Variants in PLEKHA7 observed in about 807,000 individuals in gnomAD.
PLEKHA7 encodes the protein pleckstrin homology domain containing A7.
In PLEKHA7, 104 loss-of-function variants were observed where a neutral mutation model predicts 170.0. That is an observed-to-expected ratio of 0.61 (90% CI 0.52 to 0.72). PLEKHA7 has a LOEUF of 0.72. PLEKHA7 is among the 30% of genes least tolerant of loss of function. The pLI is 0.00. For missense variants in PLEKHA7, 1,615 were observed against 1,671.7 expected (o/e 0.97, Z 0.59); for synonymous variants, 648 against 660.8 (o/e 0.98, Z 0.30).
At chr11:16,823,924 T>G (rs1850435793) in intron 10 of PLEKHA7, among the ~76,000 whole-genome samples, 1 of 152,178 alleles carries the variant, frequency 6.6e-6, no homozygotes, top group Non-Finnish European at 1.5e-5. Flanking sequence ...GTGTTCAGCC[T>G]TAAAAAAGAA....
At chr11:16,811,533 C>T (rs540861199) in intron 13 of PLEKHA7, among the ~76,000 whole-genome samples, 1 of 152,250 alleles carries the variant, frequency 6.6e-6, no homozygotes, top group Admixed American at 6.5e-5. Flanking sequence ...ATGGTGGGAA[C>T]AACCCTGTCT....
chr11:16,945,900 TC>T (rs1860998043), intron 3 of PLEKHA7, among the ~76,000 whole-genome samples: 1 of 152,230 alleles, frequency 6.6e-6, no homozygotes, highest in Non-Finnish European at 1.5e-5. Flanking sequence ...CTCTCTGGCC[TC>T]AAAGGACACT....
chr11:16,860,264 G>A (rs1474551280), intron 4 of PLEKHA7, among the ~76,000 whole-genome samples: 2 of 152,126 alleles, frequency 1.3e-5, no homozygotes, highest in East Asian at 3.9e-4. Flanking sequence ...CTGCATATTT[G>A]GCACTAAATG....
At position 16,816,273 on chromosome 11, in the gene PLEKHA7, G is replaced by T. The variant is rs200072888; in HGVS notation, c.1867-9C>A. Reference sequence around the variant, plus strand: ...TCCACATGAGATGAGTTCTGCAAGTGGGGAGACAAGAAGTCACACTGGAGC... The same window carrying T: ...TCCACATGAGATGAGTTCTGCAAGTTGGGAGACAAGAAGTCACACTGGAGC... On this transcript the variant is annotated splice_polypyrimidine_tract_variant and intron_variant, in intron 11 of 26. Coordinates refer to ENST00000531066, the MANE Select transcript of PLEKHA7 (RefSeq NM_001329630.2). 301 of 1,606,912 alleles carry T rather than the reference G, an allele frequency of 1.9e-4. 1 individual carries two copies. Among genetic ancestry groups the T allele is most frequent in the African/African-American group, 2.7e-5 (2 of 74,818 alleles).
At chr11:16,859,119 G>A (rs958603484) in intron 4 of PLEKHA7, among the ~76,000 whole-genome samples, 1 of 152,186 alleles carries the variant, frequency 6.6e-6, no homozygotes, top group Non-Finnish European at 1.5e-5. Flanking sequence ...AAACAGGGAG[G>A]ATGTCTTCAC....
intron 3 of PLEKHA7, among the ~76,000 whole-genome samples, chr11:16,878,244 A>T (rs1855454120): frequency 6.6e-6 from 1 of 152,054 alleles, no homozygotes; most frequent in Admixed American, 6.6e-5. Context: ...TCTCTTAACT[A>T]GATACTGCAA....
chr11:16,826,431 C>T lies in PLEKHA7; in HGVS notation c.1032G>A (p.Gln344=), dbSNP rs1246437604. ...CCAGTGGGTCCCTCTGGGAACGGTA[C>T]TGCTCTCCCTCCTGCTCCTGCCTCT... ...NFERQEQEGE[Q]YRSQRDPLEG... is the part of the protein sequence containing the mutation. Residue 344 remains glutamine (Q), a synonymous_variant, in exon 10 of 27, where the codon CAG becomes CAA. Transcript: ENST00000531066. The T allele has an allele frequency of 6.2e-7, 1 of 1,614,262 alleles. No individual in the cohort carries two copies. The highest frequency in any genetic ancestry group is 2.2e-5 in the East Asian group (1 of 44,890).
intron 4 of PLEKHA7, among the ~76,000 whole-genome samples, chr11:16,865,271 A>C (rs1012319851): frequency 3.9e-5 from 6 of 152,224 alleles, no homozygotes; most frequent in African/African-American, 1.4e-4. Context: ...ATACAGCCTG[A>C]GCTTGTATTA....
At chr11:16,893,499 C>G (rs1461961416) in intron 3 of PLEKHA7, among the ~76,000 whole-genome samples, 2 of 152,180 alleles carry the variant, frequency 1.3e-5, no homozygotes, top group Non-Finnish European at 2.9e-5. Flanking sequence ...GATTCCTTTT[C>G]TCTCAGTGTC....
intron 3 of PLEKHA7, among the ~76,000 whole-genome samples, chr11:16,913,896 T>G (rs979297277): frequency 6.6e-6 from 1 of 152,240 alleles, no homozygotes; most frequent in Non-Finnish European, 1.5e-5. Flanking sequence ...TTAAATGTGC[T>G]TATTCTTTGA....
At chr11:16,825,746 T>C (rs1362160506) in intron 10 of PLEKHA7, among the ~76,000 whole-genome samples, 1 of 152,172 alleles carries the variant, frequency 6.6e-6, no homozygotes, top group Non-Finnish European at 1.5e-5. Flanking sequence ...TTTTTGGATG[T>C]AGAGAAGTAG....
chr11:16,923,490 C>A lies in PLEKHA7; in HGVS notation c.222-52308G>T, dbSNP rs139770522. Among the ~76,000 whole-genome samples the A allele has an allele frequency of 4.0e-3, 611 of 152,264 alleles. 16 individuals carry two copies. The highest frequency in any genetic ancestry group is 0.028 in the Admixed American group (428 of 15,282). On this transcript the variant is annotated intron_variant, in intron 3 of 26. Transcript: ENST00000531066. ...AGTCAACAGCCTCTTTAAAGTCAAG[C>A]CTTCCTTCACTCATTTTCTCCCTGG...
At chr11:16,900,376 G>A (rs1857255067) in intron 3 of PLEKHA7, among the ~76,000 whole-genome samples, 1 of 152,154 alleles carries the variant, frequency 6.6e-6, no homozygotes. Context: ...GAAGACACTA[G>A]AGTGAATTTT....
intron 4 of PLEKHA7, among the ~76,000 whole-genome samples, chr11:16,867,176 T>C (rs1293299562): frequency 6.6e-6 from 1 of 152,178 alleles, no homozygotes; most frequent in Non-Finnish European, 1.5e-5. Flanking sequence ...CCTAAATCAG[T>C]AGTTCTTAAA....
chr11:16,848,834 T>C (rs1050582933), intron 8 of PLEKHA7, among the ~76,000 whole-genome samples: 2 of 152,164 alleles, frequency 1.3e-5, no homozygotes, highest in African/African-American at 4.8e-5. Context: ...CTAGCACCAG[T>C]CTGAGAACTT....
intron 13 of PLEKHA7, chr11:16,807,166 C>T (rs1849047440): frequency 7.1e-6 from 7 of 985,378 alleles, no homozygotes; most frequent in African/African-American, 3.5e-5. Context: ...CCGACAGCCC[C>T]GTGCTGACTT....
intron 3 of PLEKHA7, among the ~76,000 whole-genome samples, chr11:16,890,208 A>G (rs1304591545): frequency 1.3e-5 from 2 of 152,260 alleles, no homozygotes; most frequent in Non-Finnish European, 2.9e-5. Flanking sequence ...ACATGAAAGT[A>G]TAAAACTCAC....
At position 16,789,899 on chromosome 11, in the gene PLEKHA7, G is replaced by A; in HGVS notation, c.3053-21C>T. 1 of 1,604,260 alleles carries A rather than the reference G, an allele frequency of 6.2e-7. No homozygotes were observed. The highest frequency in any genetic ancestry group is 8.5e-7 in the Non-Finnish European group (1 of 1,171,170). Reference sequence around the variant, plus strand: ...GAGCCCTTAGTGAGGAAAGAGAAGTGCAAGCATGTTTGTGCTGGGGTGGAT... The same window carrying A: ...GAGCCCTTAGTGAGGAAAGAGAAGTACAAGCATGTTTGTGCTGGGGTGGAT... On this transcript the variant is annotated intron_variant, in intron 21 of 26. Transcript: ENST00000531066. This position sits in a 1 kb window ranked among gnomAD's most constrained non-coding sequence, Gnocchi z 4.6.
chr11:16,864,526 T>A (rs533723411), intron 4 of PLEKHA7, among the ~76,000 whole-genome samples: 3 of 152,222 alleles, frequency 2.0e-5, no homozygotes, highest in Non-Finnish European at 4.4e-5. Context: ...AATTTCATCT[T>A]GAATTTGTAG....
Sources: gnomAD v4.1 joint callset for allele counts (sites outside exome capture counted in the v4.1 genomes callset) on GRCh38, gnomAD v4.1.1 for gene constraint, Gnocchi (gnomAD v3.1) non-coding constraint, MANE v1.5 for transcripts, NCBI Gene and HGNC (gene_info 2026-07-23, HGNC 2026-07-21) for gene names.